The following NF1 variants were observed in gnomAD, a reference collection of about 807,000 sequenced individuals.
NF1 encodes the protein neurofibromin 1.
A neutral mutation model predicts 325.7 loss-of-function variants in NF1; 122 were observed. The ratio of observed to expected loss-of-function variants is 0.37; its 90% CI spans 0.32 to 0.44. NF1 has a LOEUF of 0.44. Among genes scored for constraint, NF1 ranks in the 20% least tolerant of loss-of-function variants. The pLI is 1.00. For synonymous variants in NF1, 1,091 were observed against 1,186.0 expected, an observed-to-expected ratio of 0.92 and a Z score of 1.65; for missense variants, 2,140 against 3,415.4, an observed-to-expected ratio of 0.63 and a Z score of 9.31.
intron 4 of NF1, among the ~76,000 whole-genome samples, chr17:31,165,122 T>C (rs960157624): frequency 6.6e-6 from 1 of 152,220 alleles, no homozygotes; most frequent in African/African-American, 2.4e-5. Flanking sequence ...AACTGCCTTA[T>C]AGAACACAAC....
chr17:31,140,461 G>A (rs754376992), intron 1 of NF1, among the ~76,000 whole-genome samples: 1 of 152,184 alleles, frequency 6.6e-6, no homozygotes, highest in African/African-American at 2.4e-5. Context: ...TCCCTAGCAA[G>A]TAATTTTATA....
chr17:31,171,266 CAT>C (rs2065923008), intron 5 of NF1, among the ~76,000 whole-genome samples: 2 of 152,248 alleles, frequency 1.3e-5, no homozygotes, highest in African/African-American at 4.8e-5. Context: ...AAGATACAAA[CAT>C]GTGGACAGCA....
chr17:31,363,967 C>T (rs2070457308), intron 57 of NF1, among the ~76,000 whole-genome samples: 1 of 150,234 alleles, frequency 6.7e-6, no homozygotes, highest in African/African-American at 2.5e-5. Context: ...TCTCGAACTC[C>T]TGACCTTAGG....
intron 36 of NF1, among the ~76,000 whole-genome samples, chr17:31,278,772 G>A (rs1220183611): frequency 6.6e-6 from 1 of 151,508 alleles, no homozygotes. Flanking sequence ...CTGCCACCAC[G>A]CCTGGCTAAT....
Position 31,287,542 on chromosome 17 carries a change from CTGTG to C in NF1, c.4835+22236_4835+22239del, listed in dbSNP as rs59906241. 4.5e-3 allele frequency among the ~76,000 whole-genome samples: 651 copies of C among 145,548 alleles called. 1 individual carries two copies. Among genetic ancestry groups the C allele is most frequent in the South Asian group, 9.1e-3 (42 of 4,602 alleles). On this transcript the variant is annotated intron_variant, in intron 36 of 57. Transcript: ENST00000358273. ...TTCTGTGCTTTGATCTCATTCATAA[CTGTG>C]TGTGTGTGTGTGTGTGTGTGTGTGT...
At position 31,375,526 on chromosome 17, in the gene NF1, A is replaced by G. The variant is rs891903865; in HGVS notation, c.*1371A>G. On this transcript the variant is annotated 3_prime_UTR_variant, in exon 58 of 58. Coordinates refer to ENST00000358273, the MANE Select transcript of NF1 (RefSeq NM_001042492.3). ...ATTTGACTTCAGTGAGCATATTGGT[A>G]TCTGGATGTTCCAATTTAGAACTAA... 8.6e-6 allele frequency: 2 copies of G among 231,700 alleles called. No homozygotes were observed. Among genetic ancestry groups the G allele is most frequent in the Non-Finnish European group, 1.7e-5 (2 of 116,954 alleles). The allele number at this position is 231,700 out of a possible 1,614,324, so 14.4% of individuals were successfully genotyped here. A position where few individuals can be genotyped will look rare whatever the true frequency, so the allele number is the denominator to read the frequency against.
chr17:31,259,406 T>C (rs2067645437), intron 33 of NF1, among the ~76,000 whole-genome samples: 1 of 152,172 alleles, frequency 6.6e-6, no homozygotes, highest in African/African-American at 2.4e-5. Flanking sequence ...TGGTACAATA[T>C]GTGGACAAGG....
chr17:31,362,229 A>T (rs1469090569), intron 57 of NF1: 1 of 826,332 alleles, frequency 1.2e-6, no homozygotes, highest in East Asian at 1.2e-4. Flanking sequence ...GGTCTTGCCC[A>T]TTATCAGCAT....
At chr17:31,193,192 T>A (rs1156339823) in intron 8 of NF1, among the ~76,000 whole-genome samples, 1 of 152,212 alleles carries the variant, frequency 6.6e-6, no homozygotes, top group Non-Finnish European at 1.5e-5. Context: ...GTTCTTAGTT[T>A]CTAACTAAAT....
Position 31,095,243 on chromosome 17 carries a change from C to G in NF1, c.-67C>G. The G allele has an allele frequency of 6.9e-7, 1 of 1,458,338 alleles. No homozygotes were observed. Among genetic ancestry groups the G allele is most frequent in the East Asian group, 2.5e-5 (1 of 40,596 alleles). The allele number at this position is 1,458,338 out of a possible 1,614,324, so 90.3% of individuals were successfully genotyped here. On this transcript the variant is annotated 5_prime_UTR_variant, in exon 1 of 58. Transcript: ENST00000358273. ...TTCCCTCACCTCAGCCTCCGCTCCC[C>G]GCCCTCTTCCCGGCCCAGGGCGCCG... is the stretch of plus-strand genomic sequence containing the variant.
chr17:31,133,320 T>G (rs1223710766), intron 1 of NF1: 1 of 152,194 alleles, frequency 6.6e-6, no homozygotes, highest in African/African-American at 2.4e-5. Context: ...ATGTCAGAAT[T>G]TCCTACCTTT....
At chr17:31,231,104 T>A (rs527940150) in intron 24 of NF1, among the ~76,000 whole-genome samples, 179 bp downstream of exon 24, 1 of 152,330 alleles carries the variant, frequency 6.6e-6, no homozygotes, top group South Asian at 2.1e-4. Context: ...TGATAGACTT[T>A]CAGTAAAATT....
chr17:31,270,113 G>A (rs546149851), intron 36 of NF1, among the ~76,000 whole-genome samples: 4 of 152,308 alleles, frequency 2.6e-5, no homozygotes, highest in East Asian at 1.9e-4. Context: ...CAAGGTACAC[G>A]ACAGTGTGTG....
At chr17:31,148,630 A>G (rs1202101532) in intron 1 of NF1, among the ~76,000 whole-genome samples, 2 of 152,130 alleles carry the variant, frequency 1.3e-5, no homozygotes, top group Non-Finnish European at 2.9e-5. Flanking sequence ...AGATACTTCT[A>G]TTTCAAATTC....
chr17:31,365,907 A>T (rs545914896), intron 57 of NF1, among the ~76,000 whole-genome samples: 49 of 152,308 alleles, frequency 3.2e-4, no homozygotes, highest in African/African-American at 9.4e-4. Context: ...TTTTTAAACA[A>T]AACAAGTAAA....
intron 11 of NF1, among the ~76,000 whole-genome samples, chr17:31,205,763 A>G (rs1041306973): frequency 6.6e-6 from 1 of 152,154 alleles, no homozygotes. Flanking sequence ...CTGTAAACAT[A>G]TAAGTAATGG....
At chr17:31,305,325 A>G (rs2068687034) in intron 36 of NF1, 1 of 1,614,128 alleles carries the variant, frequency 6.2e-7, no homozygotes, top group Non-Finnish European at 8.5e-7. Flanking sequence ...CAGCAGAAGT[A>G]TGTGCTTCTG....
At chr17:31,183,851 C>T (rs1277797095) in intron 8 of NF1, among the ~76,000 whole-genome samples, 11 of 152,186 alleles carry the variant, frequency 7.2e-5, no homozygotes, top group Admixed American at 3.3e-4. Flanking sequence ...TTCCTGCCCT[C>T]GAACATCAGA....
At chr17:31,325,749 T>C (rs890128823) in intron 36 of NF1, 71 bp from the exon 37 acceptor site, 6 of 1,083,636 alleles carry the variant, frequency 5.5e-6, no homozygotes, top group Non-Finnish European at 8.4e-6. Flanking sequence ...AAAATAAAAT[T>C]GATTAGTGGC....
Sources: allele counts gnomAD v4.1 joint callset (sites outside exome capture counted in the v4.1 genomes callset), GRCh38; gene constraint gnomAD v4.1.1; transcripts MANE v1.5; gene names NCBI Gene and HGNC (gene_info 2026-07-23, HGNC 2026-07-21).